OPN5: variants seen among roughly 807,000 people sequenced by gnomAD.
OPN5 encodes opsin 5.
In OPN5, 18 loss-of-function variants were observed where a neutral mutation model predicts 41.7. That is an observed-to-expected ratio of 0.43 (90% CI 0.30 to 0.64). The LOEUF (loss-of-function observed/expected upper bound fraction) is 0.64. OPN5 is among the 30% of genes least tolerant of loss of function. OPN5 has a pLI of 0.13. For missense variants in OPN5, 318 were observed against 434.5 expected (o/e 0.73, Z 2.38); for synonymous variants, 178 against 164.3 (o/e 1.08, Z -0.64).
At chr6:47,782,079 C>T (rs779955605) in exon 1 of OPN5, 2 of 1,613,410 alleles carry the variant, frequency 1.2e-6, no homozygotes, top group Non-Finnish European at 1.7e-6. Context: ...GGCGTTAAAT[C>T]ACACTGCCCT....
chr6:47,784,303 C>G (rs1213762099), intron 1 of OPN5, among the ~76,000 whole-genome samples: 1 of 148,282 alleles, frequency 6.7e-6, no homozygotes, highest in African/African-American at 2.5e-5. Context: ...TGCAAGATTC[C>G]TTTTTTTTTT....
chr6:47,807,236 T>C (rs543360738), intron 4 of OPN5, among the ~76,000 whole-genome samples: 2 of 152,286 alleles, frequency 1.3e-5, no homozygotes, highest in South Asian at 2.1e-4. Flanking sequence ...ATATTCAGCC[T>C]TGTACTGTAG....
At chr6:47,824,060 G>A (rs1762719519) in exon 7 of OPN5, 11 of 1,275,644 alleles carry the variant, frequency 8.6e-6, no homozygotes, top group African/African-American at 1.5e-5. Flanking sequence ...AGAGAAATTA[G>A]CTTACAAATG....
Position 47,795,228 on chromosome 6 carries a change from G to A in OPN5, c.422-1G>A, listed in dbSNP as rs1473330223. On this transcript the variant is annotated splice_acceptor_variant, in intron 3 of 6. Transcript: ENST00000371211. LOFTEE classifies it high-confidence loss of function. ...GGGTAATGCTTTTCTTCCGCCTCCAGGGGTTTGGCTGAAAAGAAAGCACGC... is the reference window on the plus strand; with the variant it reads ...GGGTAATGCTTTTCTTCCGCCTCCAAGGGTTTGGCTGAAAAGAAAGCACGC... 7.6e-6 allele frequency: 12 copies of A among 1,586,352 alleles called. No individual in the cohort carries two copies. Among genetic ancestry groups the A allele is most frequent in the Admixed American group, 1.7e-5 (1 of 57,618 alleles).
chr6:47,810,217 C>A (rs1204838331), intron 5 of OPN5, among the ~76,000 whole-genome samples: 2 of 152,154 alleles, frequency 1.3e-5, no homozygotes, highest in Non-Finnish European at 2.9e-5. Flanking sequence ...GGGGAAAAAG[C>A]AGGCGGTAGA....
intron 2 of OPN5, among the ~76,000 whole-genome samples, chr6:47,788,285 A>G (rs1353447080): frequency 6.6e-6 from 1 of 152,224 alleles, no homozygotes; most frequent in Non-Finnish European, 1.5e-5. Flanking sequence ...GCGGGCCCCT[A>G]AGGTGCTCTA....
chr6:47,811,969 C>A (rs867220559), intron 6 of OPN5: 8 of 315,100 alleles, frequency 2.5e-5, no homozygotes, highest in South Asian at 2.1e-4. Flanking sequence ...TTTCTTTTCT[C>A]GTACTTTAAA....
At chr6:47,816,722 T>G (rs1395208684) in intron 6 of OPN5, among the ~76,000 whole-genome samples, 2 of 152,112 alleles carry the variant, frequency 1.3e-5, no homozygotes, top group Non-Finnish European at 1.5e-5. Context: ...TTACTTGATC[T>G]CTCAGTGTCG....
chr6:47,817,889 A>G (rs1762479216), intron 6 of OPN5, among the ~76,000 whole-genome samples: 1 of 152,120 alleles, frequency 6.6e-6, no homozygotes, highest in Admixed American at 6.6e-5. Context: ...GGCATCAGCT[A>G]TCTTGTGGGG....
chr6:47,813,113 C>CAACAAAAAA (rs1341179581), intron 6 of OPN5, among the ~76,000 whole-genome samples: 70 of 114,576 alleles, frequency 6.1e-4, no homozygotes, highest in African/African-American at 2.0e-3. Context: ...ACAACAACAA[C>CAACAAAAAA]AAGCAACAAC....
At chr6:47,800,941 C>A (rs1561896924) in intron 4 of OPN5, among the ~76,000 whole-genome samples, 2 of 152,326 alleles carry the variant, frequency 1.3e-5, no homozygotes, top group Non-Finnish European at 2.9e-5. Context: ...ACACATCAGT[C>A]ATTTACAATG....
intron 4 of OPN5, among the ~76,000 whole-genome samples, chr6:47,807,614 A>G (rs1774023509): frequency 6.6e-6 from 1 of 152,192 alleles, no homozygotes. Flanking sequence ...CTTATTTTAC[A>G]TTATGTACCT....
intron 3 of OPN5, among the ~76,000 whole-genome samples, chr6:47,792,235 G>A (rs1773396714): frequency 6.6e-6 from 1 of 152,190 alleles, no homozygotes; most frequent in Non-Finnish European, 1.5e-5. Context: ...TTCTTGTATA[G>A]TGTGTAAGCT....
chr6:47,825,149 A>C (rs1459208025), downstream of OPN5: 1 of 152,224 alleles, frequency 6.6e-6, no homozygotes, highest in Non-Finnish European at 1.5e-5. Context: ...TAATGCATAA[A>C]CACAAATCTT....
chr6:47,818,300 A>T (rs1379178864), intron 6 of OPN5, among the ~76,000 whole-genome samples: 1 of 152,202 alleles, frequency 6.6e-6, no homozygotes, highest in East Asian at 1.9e-4. Flanking sequence ...GAATCTACAC[A>T]TTTTGACATT....
At chr6:47,795,050 A>C (rs1392396362) in intron 3 of OPN5, 179 bp from the exon 4 acceptor site, 2 of 534,658 alleles carry the variant, frequency 3.7e-6, no homozygotes, top group African/African-American at 3.7e-5. Flanking sequence ...TCCTGGAGAA[A>C]GGCCCAAGCT....
At chr6:47,796,228 C>T (rs1773565459) in intron 4 of OPN5, among the ~76,000 whole-genome samples, 1 of 152,190 alleles carries the variant, frequency 6.6e-6, no homozygotes, top group Non-Finnish European at 1.5e-5. Context: ...TCTTGAATCC[C>T]TATTTCCTCA....
At chr6:47,803,768 C>T (rs766254641) in intron 4 of OPN5, among the ~76,000 whole-genome samples, 11 of 152,176 alleles carry the variant, frequency 7.2e-5, no homozygotes, top group African/African-American at 2.4e-4. Context: ...GAGAGGAGCT[C>T]GGCACCCCCT....
At chr6:47,805,852 A>C (rs1338477309) in intron 4 of OPN5, among the ~76,000 whole-genome samples, 1 of 152,200 alleles carries the variant, frequency 6.6e-6, no homozygotes, top group Admixed American at 6.6e-5. Context: ...TGCTTCTTAA[A>C]GTTGGGGACG....
Sources: gnomAD v4.1 joint callset for allele counts (sites outside exome capture counted in the v4.1 genomes callset) on GRCh38, gnomAD v4.1.1 for gene constraint, MANE v1.5 for transcripts, NCBI Gene and HGNC (gene_info 2026-07-23, HGNC 2026-07-21) for gene names.